Variants in VMP1 observed in about 807,000 individuals in gnomAD.
The protein encoded by VMP1 is ectopic P-granules autophagy protein 3 homolog.
A neutral mutation model predicts 56.0 loss-of-function variants in VMP1; 11 were observed. The observed-to-expected ratio is 0.20, with a 90% CI of 0.12 to 0.32. VMP1 has a LOEUF of 0.32. VMP1 is among the 10% of genes least tolerant of loss of function. VMP1 has a pLI of 1.00. For synonymous variants in VMP1, 149 were observed against 165.0 expected (o/e 0.90, Z 0.74); for missense variants, 296 against 490.3 (o/e 0.60, Z 3.74).
At chr17:59,814,108 G>A (rs986305658) in intron 9 of VMP1, among the ~76,000 whole-genome samples, 8 of 152,128 alleles carry the variant, frequency 5.3e-5, no homozygotes, top group African/African-American at 1.9e-4. Flanking sequence ...AGCCTCCAGA[G>A]TAAGTGGGAC....
intron 1 of VMP1, among the ~76,000 whole-genome samples, chr17:59,717,216 C>G (rs1053974509): frequency 2.0e-5 from 3 of 152,076 alleles, no homozygotes; most frequent in African/African-American, 7.2e-5. Context: ...GTGATCCGCC[C>G]GCTTCGGCCT....
intron 7 of VMP1, among the ~76,000 whole-genome samples, chr17:59,788,066 G>A (rs1225268659): frequency 6.6e-6 from 1 of 152,086 alleles, no homozygotes; most frequent in Non-Finnish European, 1.5e-5. Context: ...TGATGACAAA[G>A]CAATTATCAT....
intron 9 of VMP1, among the ~76,000 whole-genome samples, chr17:59,816,762 A>G (rs761275740): frequency 1.4e-4 from 21 of 151,740 alleles, no homozygotes; most frequent in Middle Eastern, 3.4e-3. Context: ...CCTGGCCAGC[A>G]TGGTGAAACC....
intron 1 of VMP1, chr17:59,729,787 G>C (rs950315596): frequency 1.3e-5 from 2 of 150,322 alleles, no homozygotes; most frequent in African/African-American, 4.9e-5. Flanking sequence ...GGGGGTCCAA[G>C]CGATTCTCCT....
rs1384470141 is a variant in VMP1 at position 59,840,430 on chromosome 17, GA to G, written c.*520del. ...CATCCTCAAAAAAGGGCCATTTTAT[GA>G]TGCATTGCACACCCTCTGGGGAAAT... is the stretch of plus-strand genomic sequence containing the variant. On this transcript the variant is annotated 3_prime_UTR_variant, in exon 12 of 12. Coordinates refer to ENST00000262291, the MANE Select transcript of VMP1 (RefSeq NM_030938.5). 1 of 154,594 alleles carries G rather than the reference GA, an allele frequency of 6.5e-6. No individual in the cohort carries two copies. The highest frequency in any genetic ancestry group is 6.5e-5 in the Admixed American group (1 of 15,314). 9.6% of individuals were successfully genotyped at this position (154,594 alleles called of 1,614,324 possible).
At chr17:59,801,112 ATGTGTGTGTGTGTGTGTGTG>A (rs71145573) in intron 7 of VMP1, among the ~76,000 whole-genome samples, 1 of 110,326 alleles carries the variant, frequency 9.1e-6, no homozygotes, top group Non-Finnish European at 1.7e-5. Context: ...ATATATATAT[ATGTGTGTGTGTGTGTGTGTG>A]TGTGTGTGTG....
intron 7 of VMP1, among the ~76,000 whole-genome samples, chr17:59,785,497 A>C (rs1310003942): frequency 6.6e-6 from 1 of 152,064 alleles, no homozygotes; most frequent in African/African-American, 2.4e-5. Context: ...AACATGGTGA[A>C]ACCTTGTAAA....
At chr17:59,749,843 C>T (rs1156309758) in intron 5 of VMP1, among the ~76,000 whole-genome samples, 4 of 152,092 alleles carry the variant, frequency 2.6e-5, no homozygotes, top group Non-Finnish European at 4.4e-5. Flanking sequence ...CTTCTTAGAA[C>T]TGTGAGTGGC....
intron 10 of VMP1, among the ~76,000 whole-genome samples, chr17:59,825,831 T>C (rs987728231): frequency 3.9e-5 from 6 of 152,260 alleles, no homozygotes; most frequent in Admixed American, 2.0e-4. Context: ...GAGATCATTT[T>C]AACCAGTGAG....
At chr17:59,838,439 C>T (rs374252753) in intron 11 of VMP1, 42 bp downstream of exon 11, 31 of 1,599,878 alleles carry the variant, frequency 1.9e-5, no homozygotes, top group African/African-American at 5.4e-5. Context: ...TGGGAAGTTT[C>T]GGGCTGAAAT....
chr17:59,749,628 A>G (rs1401330899), intron 5 of VMP1, among the ~76,000 whole-genome samples: 2 of 151,604 alleles, frequency 1.3e-5, no homozygotes, highest in Admixed American at 6.6e-5. Context: ...CTCATGTCTC[A>G]GCCTCCCAAG....
chr17:59,751,295 G>T (rs1050410079), intron 5 of VMP1, among the ~76,000 whole-genome samples: 1 of 152,122 alleles, frequency 6.6e-6, no homozygotes, highest in East Asian at 1.9e-4. Flanking sequence ...GTACATGAGC[G>T]ATCAGGAATG....
chr17:59,812,528 G>A (rs1418983841), intron 9 of VMP1, among the ~76,000 whole-genome samples: 3 of 152,136 alleles, frequency 2.0e-5, no homozygotes, highest in Admixed American at 1.3e-4. Flanking sequence ...ACTGTGATAT[G>A]AATTACTTCC....
intron 10 of VMP1, among the ~76,000 whole-genome samples, chr17:59,836,225 TTTTA>T (rs1413003108): frequency 2.0e-5 from 3 of 151,650 alleles, no homozygotes; most frequent in African/African-American, 4.8e-5. Flanking sequence ...TTATTTTTAT[TTTTA>T]TTTATTTATT....
At chr17:59,797,334 C>G (rs1172181656) in intron 7 of VMP1, among the ~76,000 whole-genome samples, 1 of 143,190 alleles carries the variant, frequency 7.0e-6, no homozygotes, top group Non-Finnish European at 1.5e-5. Context: ...TAGCAAGACT[C>G]TGTCTCAAAA....
intron 11 of VMP1, 91 bp downstream of exon 11, chr17:59,838,488 G>A: frequency 7.5e-7 from 1 of 1,338,444 alleles, no homozygotes; most frequent in Admixed American, 1.9e-5. Context: ...AGGCAAATAA[G>A]TGAAGTTGGT....
intron 5 of VMP1, among the ~76,000 whole-genome samples, chr17:59,750,844 C>T (rs2035612473): frequency 6.7e-6 from 1 of 150,166 alleles, no homozygotes; most frequent in Non-Finnish European, 1.5e-5. Flanking sequence ...TTACAAATTT[C>T]ATTCATTTAC....
At position 59,773,520 on chromosome 17, in the gene VMP1, C is replaced by T. The variant is rs571822630; in HGVS notation, c.583-234C>T. The stretch of plus-strand genomic sequence containing the variant: ...GAGTAGCTATGGCTACAGGTGCGTG[C>T]CCACTGTGCCTGGCTTGTCTTAAGG... On this transcript the variant is annotated intron_variant, in intron 6 of 11. Transcript: ENST00000262291. 1.2e-4 allele frequency among the ~76,000 whole-genome samples: 18 copies of T among 152,022 alleles called. No individual in the cohort carries two copies. In the East Asian group the frequency reaches 3.3e-3, roughly 28 times the overall value.
At chr17:59,717,105 G>A (rs531538517) in intron 1 of VMP1, among the ~76,000 whole-genome samples, 2 of 151,528 alleles carry the variant, frequency 1.3e-5, no homozygotes, top group African/African-American at 4.9e-5. Flanking sequence ...TCAACCTCCC[G>A]AGTAGCTGGG....
Sources: gnomAD v4.1 joint callset for allele counts (sites outside exome capture counted in the v4.1 genomes callset) on GRCh38, gnomAD v4.1.1 for gene constraint, MANE v1.5 for transcripts, NCBI Gene and HGNC (gene_info 2026-07-23, HGNC 2026-07-21) for gene names.